Variants in SIL1 observed in about 807,000 individuals in gnomAD.
SIL1 encodes the protein nucleotide exchange factor SIL1.
A neutral mutation model predicts 49.1 loss-of-function variants in SIL1; 40 were observed. The observed-to-expected ratio is 0.81, with a 90% confidence interval of 0.63 to 1.06. The LOEUF (loss-of-function observed/expected upper bound fraction) is 1.06. SIL1 is among the 50% of genes least tolerant of loss of function. The pLI is 0.00. For synonymous variants in SIL1, 253 were observed against 250.8 expected, an observed-to-expected ratio of 1.01 and a Z score of -0.08; for missense variants, 500 against 572.6, an observed-to-expected ratio of 0.87 and a Z score of 1.29.
chr5:139,067,437 A>G (rs1468876995), intron 3 of SIL1, among the ~76,000 whole-genome samples: 1 of 152,204 alleles, frequency 6.6e-6, no homozygotes, highest in African/African-American at 2.4e-5. Flanking sequence ...ACTATTGGTC[A>G]TAGCTCTACA....
chr5:139,073,147 G>T (rs191190436), intron 3 of SIL1, among the ~76,000 whole-genome samples: 11 of 152,200 alleles, frequency 7.2e-5, no homozygotes, highest in African/African-American at 1.4e-4. Context: ...TAGTATGGAG[G>T]TTCCTTTAAA....
At chr5:138,962,088 G>A (rs1185150260) in intron 7 of SIL1, among the ~76,000 whole-genome samples, 1 of 151,118 alleles carries the variant, frequency 6.6e-6, no homozygotes, top group Non-Finnish European at 1.5e-5. Flanking sequence ...AAGAATTAAA[G>A]CAAGTGAAGA....
chr5:138,951,091 T>C, intron 9 of SIL1, 80 bp downstream of exon 9: 2 of 1,494,528 alleles, frequency 1.3e-6, no homozygotes, highest in Non-Finnish European at 1.8e-6. Context: ...ACGTCCGCAG[T>C]CTCTTCCATC....
In SIL1 at chr5:139,070,752, AC is replaced by A. The variant is rs558116898; in HGVS notation, c.245-19707del. On this transcript the variant is annotated intron_variant, in intron 3 of 9. Coordinates refer to ENST00000394817, the MANE Select transcript of SIL1 (RefSeq NM_022464.5). ...CTGTGAGTTTGTAAAGGGAAAAAAAACATCTTAATTGGTCATCTTCAGAGGA... is the reference window on the plus strand; with the variant it reads ...CTGTGAGTTTGTAAAGGGAAAAAAAAATCTTAATTGGTCATCTTCAGAGGA... 5.6e-4 allele frequency among the ~76,000 whole-genome samples: 86 copies of A among 152,314 alleles called. 1 individual carries two copies. Among genetic ancestry groups the A allele is most frequent in the South Asian group, 1.7e-3 (8 of 4,822 alleles).
intron 1 of SIL1, among the ~76,000 whole-genome samples, chr5:139,171,505 T>G (rs1751769127): frequency 6.6e-6 from 1 of 151,970 alleles, no homozygotes; most frequent in African/African-American, 2.4e-5. Context: ...GAAGGCAGCG[T>G]GCTCGTTAAG....
chr5:138,991,371 C>A (rs2150405795), intron 7 of SIL1, among the ~76,000 whole-genome samples: 1 of 152,356 alleles, frequency 6.6e-6, no homozygotes, highest in Admixed American at 6.5e-5. Flanking sequence ...TGGGAGGCAG[C>A]ATGGGAAGTC....
chr5:139,196,062 C>G (rs1752265027), intron 1 of SIL1, among the ~76,000 whole-genome samples: 1 of 152,078 alleles, frequency 6.6e-6, no homozygotes, highest in Non-Finnish European at 1.5e-5. Context: ...TGGTGGTGCG[C>G]CCCTGTAGTC....
intron 7 of SIL1, chr5:138,953,525 T>C (rs577911596): frequency 6.6e-6 from 1 of 152,440 alleles, no homozygotes; most frequent in East Asian, 1.9e-4. Flanking sequence ...AGAAAGGAAG[T>C]ACAGGGTGGG....
chr5:139,003,662 T>C (rs1768043475), intron 7 of SIL1, among the ~76,000 whole-genome samples: 1 of 152,290 alleles, frequency 6.6e-6, no homozygotes, highest in African/African-American at 2.4e-5. Context: ...ATATATATTA[T>C]CTGCAAAACC....
chr5:139,101,683 A>G lies in SIL1; in HGVS notation c.244+19352T>C, dbSNP rs183069733. Among the ~76,000 whole-genome samples, 396 of 152,344 alleles carry G rather than the reference A, an allele frequency of 2.6e-3. 2 individuals are homozygous for G. Among genetic ancestry groups the G allele is most frequent in the Non-Finnish European group, 4.0e-3 (271 of 68,036 alleles). On this transcript the variant is annotated intron_variant, in intron 3 of 9. Coordinates refer to ENST00000394817, the MANE Select transcript of SIL1 (RefSeq NM_022464.5). ...CAGTCACCATGCTCCCTGAGAGTAG[A>G]GACCTGTTTTGTATCTCCTCCATTT...
intron 7 of SIL1, among the ~76,000 whole-genome samples, chr5:138,961,096 G>C (rs1240848483): frequency 1.3e-5 from 2 of 152,110 alleles, no homozygotes; most frequent in Admixed American, 6.5e-5. Flanking sequence ...TGGTTTTATG[G>C]AACCCACACT....
intron 1 of SIL1, among the ~76,000 whole-genome samples, chr5:139,191,724 G>A (rs1752175486): frequency 6.6e-6 from 1 of 152,026 alleles, no homozygotes; most frequent in African/African-American, 2.4e-5. Flanking sequence ...CCAGGAGTTG[G>A]AGGTTGCAAT....
chr5:139,193,155 G>C (rs1027724838), intron 1 of SIL1, among the ~76,000 whole-genome samples: 4 of 152,084 alleles, frequency 2.6e-5, no homozygotes, highest in African/African-American at 7.2e-5. Context: ...TAACAGCCCA[G>C]AAGGGGTGAA....
intron 1 of SIL1, among the ~76,000 whole-genome samples, chr5:139,159,052 T>C (rs1048159174): frequency 6.7e-6 from 1 of 149,882 alleles, no homozygotes; most frequent in African/African-American, 2.5e-5. Context: ...ACAGGGCTAA[T>C]GGAGGCTACA....
chr5:139,141,170 G>A (rs1374908836), intron 1 of SIL1, among the ~76,000 whole-genome samples: 1 of 152,096 alleles, frequency 6.6e-6, no homozygotes, highest in Non-Finnish European at 1.5e-5. Flanking sequence ...CTCCACAGCG[G>A]GAGGGACAAT....
intron 7 of SIL1, among the ~76,000 whole-genome samples, chr5:139,001,458 T>A (rs989752653): frequency 6.6e-6 from 1 of 152,222 alleles, no homozygotes; most frequent in Admixed American, 6.5e-5. Context: ...TCAATCTAAA[T>A]GTTCCTTAAC....
chr5:138,965,170 C>T (rs780704158), intron 7 of SIL1, among the ~76,000 whole-genome samples: 1 of 152,222 alleles, frequency 6.6e-6, no homozygotes, highest in Non-Finnish European at 1.5e-5. Flanking sequence ...GCTTGTCAGA[C>T]ACTTCCATGA....
chr5:139,099,431 T>C (rs1043478130), intron 3 of SIL1, among the ~76,000 whole-genome samples: 5 of 152,138 alleles, frequency 3.3e-5, no homozygotes, highest in African/African-American at 1.2e-4. Context: ...GCCGGATATA[T>C]ACCCAAAAGA....
intron 3 of SIL1, among the ~76,000 whole-genome samples, chr5:139,053,984 C>T (rs1581062103): frequency 6.6e-6 from 1 of 152,314 alleles, no homozygotes; most frequent in East Asian, 1.9e-4. Flanking sequence ...AGTGAACTCT[C>T]AATAATTATT....
Sources: allele counts gnomAD v4.1 joint callset (sites outside exome capture counted in the v4.1 genomes callset), GRCh38; gene constraint gnomAD v4.1.1; transcripts MANE v1.5; gene names NCBI Gene and HGNC (gene_info 2026-07-23, HGNC 2026-07-21).